CD2AP: variants seen among roughly 807,000 people sequenced by gnomAD.
CD2AP encodes the protein CD2 associated protein, also known as CD2-associated protein.
CD2AP carries 46 observed loss-of-function variants against 85.1 expected under a neutral mutation model. The observed-to-expected ratio is 0.54, with a 90% CI of 0.43 to 0.69. CD2AP has a LOEUF of 0.69. CD2AP is among the 30% of genes least tolerant of loss of function. The pLI is 0.00. For synonymous variants in CD2AP, 255 were observed against 252.9 expected (o/e 1.01, Z -0.08); for missense variants, 769 against 729.5 (o/e 1.05, Z -0.62).
chr6:47,516,893 C>T (rs1369324724), intron 2 of CD2AP, among the ~76,000 whole-genome samples: 2 of 152,134 alleles, frequency 1.3e-5, no homozygotes, highest in Non-Finnish European at 2.9e-5. Context: ...TGCAGCACTT[C>T]AGTGTATATC....
intron 3 of CD2AP, among the ~76,000 whole-genome samples, chr6:47,534,510 C>T (rs567446348): frequency 6.6e-6 from 1 of 152,146 alleles, no homozygotes; most frequent in African/African-American, 2.4e-5. Flanking sequence ...AGTTCGAGAC[C>T]AGCCTGACCA....
intron 2 of CD2AP, among the ~76,000 whole-genome samples, chr6:47,525,862 C>T (rs1562015915): frequency 6.6e-6 from 1 of 152,088 alleles, no homozygotes; most frequent in Non-Finnish European, 1.5e-5. Flanking sequence ...TTTGTATTGA[C>T]ATTACCTATT....
chr6:47,486,181 G>T (rs1376937084), intron 1 of CD2AP, among the ~76,000 whole-genome samples: 1 of 152,152 alleles, frequency 6.6e-6, no homozygotes, highest in Admixed American at 6.5e-5. Context: ...ATGCTTGGGG[G>T]TTTAGGATAA....
At chr6:47,607,747 C>G (rs1327662286) in intron 14 of CD2AP, 180 bp from the exon 15 acceptor site, 4 of 517,850 alleles carry the variant, frequency 7.7e-6, no homozygotes, top group African/African-American at 1.9e-5. Context: ...TTTTTGCCCT[C>G]AAGATATGCA....
chr6:47,539,837 A>G (rs567118218), intron 3 of CD2AP, among the ~76,000 whole-genome samples: 1 of 152,244 alleles, frequency 6.6e-6, no homozygotes, highest in African/African-American at 2.4e-5. Context: ...TTTTTGTACA[A>G]TTAATTTTTT....
chr6:47,479,246 T>C (rs540551440), intron 1 of CD2AP, among the ~76,000 whole-genome samples: 11 of 152,232 alleles, frequency 7.2e-5, no homozygotes, highest in Non-Finnish European at 1.0e-4. Flanking sequence ...TTTTTGCAGT[T>C]GAGAGTTGGT....
chr6:47,589,424 A>G (rs1222856595), intron 11 of CD2AP, among the ~76,000 whole-genome samples: 1 of 120,982 alleles, frequency 8.3e-6, no homozygotes, highest in Non-Finnish European at 1.8e-5. Context: ...ATATATACAC[A>G]AATATACACA....
At chr6:47,603,073 T>C (rs1471385548) in intron 13 of CD2AP, among the ~76,000 whole-genome samples, 1 of 152,082 alleles carries the variant, frequency 6.6e-6, no homozygotes, top group East Asian at 1.9e-4. Flanking sequence ...AAATAATTTA[T>C]GGTGGAATTT....
intron 5 of CD2AP, among the ~76,000 whole-genome samples, chr6:47,568,756 A>AAATAAATAAATG (rs968414873): frequency 6.6e-6 from 1 of 151,708 alleles, no homozygotes; most frequent in Non-Finnish European, 1.5e-5. Context: ...ATAAATAAAT[A>AAATAAATAAATG]AATAAGGAAA....
chr6:47,551,031 G>A (rs1267406365), intron 4 of CD2AP, among the ~76,000 whole-genome samples: 1 of 152,126 alleles, frequency 6.6e-6, no homozygotes, highest in Non-Finnish European at 1.5e-5. Context: ...GGGCCTCGGG[G>A]GAAGAGGGTG....
rs1156844388 is a variant in CD2AP at position 47,478,082 on chromosome 6, GC to G, written c.-162del. On this transcript the variant is annotated 5_prime_UTR_variant, in exon 1 of 18. Transcript: ENST00000359314. ...CCGCGCTGAAGAGACTGGTAGGAGA[GC>G]GCCGCGGGCGGATGGAGGCGACTCT... is the stretch of plus-strand genomic sequence containing the variant. 5 of 881,788 alleles carry G rather than the reference GC, an allele frequency of 5.7e-6. No individual in the cohort carries two copies. The African/African-American group carries it at 8.4e-5, about 15-fold the overall frequency. 54.6% of individuals were successfully genotyped at this position (881,788 alleles called of 1,614,324 possible). A position where few individuals can be genotyped will look rare whatever the true frequency, so the allele number is the denominator to read the frequency against.
At chr6:47,587,654 G>A (rs542302552) in intron 11 of CD2AP, among the ~76,000 whole-genome samples, 1 of 152,110 alleles carries the variant, frequency 6.6e-6, no homozygotes, top group South Asian at 2.1e-4. Flanking sequence ...TCATGTCATT[G>A]GTATGAAATT....
At chr6:47,533,562 ATAACT>A in intron 2 of CD2AP, 35 bp from the exon 3 acceptor site, 1 of 1,589,522 alleles carries the variant, frequency 6.3e-7, no homozygotes, top group Non-Finnish European at 8.6e-7. Context: ...TATAAAAAAT[ATAACT>A]TAACTTGCCT....
At chr6:47,579,348 A>T in intron 8 of CD2AP, 37 bp from the exon 9 acceptor site, 8 of 1,167,066 alleles carry the variant, frequency 6.9e-6, no homozygotes, top group African/African-American at 1.5e-5. Flanking sequence ...AAAAAAAAAA[A>T]GGTCTATTGT....
chr6:47,520,443 A>G (rs1263963623), intron 2 of CD2AP, among the ~76,000 whole-genome samples: 7 of 152,154 alleles, frequency 4.6e-5, no homozygotes, highest in Non-Finnish European at 1.0e-4. Context: ...CTGTGTTTCC[A>G]TCGATACCTG....
intron 11 of CD2AP, 22 bp downstream of exon 11, chr6:47,582,087 C>CA: frequency 7.2e-7 from 1 of 1,381,878 alleles, no homozygotes; most frequent in Non-Finnish European, 1.0e-6. Flanking sequence ...TTTCAACTTT[C>CA]AAAAAAGCAA....
intron 1 of CD2AP, among the ~76,000 whole-genome samples, chr6:47,485,043 G>A (rs957209788): frequency 2.0e-5 from 3 of 152,102 alleles, no homozygotes; most frequent in Admixed American, 6.6e-5. Context: ...CAACAAACCC[G>A]CACTACCAGT....
intron 11 of CD2AP, 109 bp from the exon 12 acceptor site, chr6:47,595,752 G>T: frequency 1.2e-6 from 1 of 811,760 alleles, no homozygotes; most frequent in East Asian, 2.5e-5. Flanking sequence ...GAGAATGAAA[G>T]TTCATGTCTG....
intron 5 of CD2AP, among the ~76,000 whole-genome samples, chr6:47,568,517 G>A (rs1176556126): frequency 6.6e-6 from 1 of 152,090 alleles, no homozygotes; most frequent in Non-Finnish European, 1.5e-5. Flanking sequence ...TGAGGTGGGT[G>A]GATCACAAGG....
Sources: gnomAD v4.1 joint callset for allele counts (sites outside exome capture counted in the v4.1 genomes callset) on GRCh38, gnomAD v4.1.1 for gene constraint, MANE v1.5 for transcripts, NCBI Gene and HGNC (gene_info 2026-07-23, HGNC 2026-07-21) for gene names.